Variants in PCDH9 observed in about 807,000 individuals in gnomAD.
The protein encoded by PCDH9 is protocadherin-9.
A neutral mutation model predicts 70.6 loss-of-function variants in PCDH9; 24 were observed. The ratio of observed to expected loss-of-function variants is 0.34; its 90% confidence interval spans 0.25 to 0.48. The LOEUF (loss-of-function observed/expected upper bound fraction) is 0.48. PCDH9 is among the 20% of genes least tolerant of loss of function. The probability of loss-of-function intolerance (pLI) is 0.99; values close to 1 mark genes in which losing one functional copy is unlikely to be tolerated. For synonymous variants in PCDH9, 562 were observed against 558.5 expected, an observed-to-expected ratio of 1.01 and a Z score of -0.09; for missense variants, 1,281 against 1,503.6, an observed-to-expected ratio of 0.85 and a Z score of 2.45.
chr13:66,475,202 C>G (rs1281777703), intron 4 of PCDH9, among the ~76,000 whole-genome samples: 1 of 152,014 alleles, frequency 6.6e-6, no homozygotes. Context: ...TAGAGACTAT[C>G]TAGATACAAG....
At chr13:67,209,394 G>A (rs1245844568) in intron 2 of PCDH9, 3 of 152,118 alleles carry the variant, frequency 2.0e-5, no homozygotes, top group Non-Finnish European at 4.4e-5. Flanking sequence ...ATTAAAAAGT[G>A]TCTTGCATCC....
At chr13:67,183,564 A>G (rs1225643229) in intron 2 of PCDH9, among the ~76,000 whole-genome samples, 1 of 152,158 alleles carries the variant, frequency 6.6e-6, no homozygotes, top group Non-Finnish European at 1.5e-5. Context: ...TAATTACAAC[A>G]CTTTTGTATA....
intron 4 of PCDH9, among the ~76,000 whole-genome samples, chr13:66,613,102 T>C (rs1349639021): frequency 6.6e-6 from 1 of 152,112 alleles, no homozygotes; most frequent in Non-Finnish European, 1.5e-5. Flanking sequence ...CTGGGCCTTT[T>C]CATGGCATTT....
intron 4 of PCDH9, among the ~76,000 whole-genome samples, chr13:66,421,932 C>A (rs1957575264): frequency 6.6e-6 from 1 of 152,048 alleles, no homozygotes; most frequent in Non-Finnish European, 1.5e-5. Flanking sequence ...TGCAAAGACA[C>A]ACATAGGCTC....
chr13:66,440,559 T>C (rs1957953770), intron 4 of PCDH9, among the ~76,000 whole-genome samples: 1 of 152,068 alleles, frequency 6.6e-6, no homozygotes, highest in South Asian at 2.1e-4. Context: ...ATATGATTTA[T>C]AAAAAGCAGG....
At chr13:66,500,831 A>C (rs765517144) in intron 4 of PCDH9, among the ~76,000 whole-genome samples, 2 of 152,128 alleles carry the variant, frequency 1.3e-5, no homozygotes, top group Non-Finnish European at 2.9e-5. Context: ...TAATATTATA[A>C]TGCCATCATT....
intron 4 of PCDH9, among the ~76,000 whole-genome samples, chr13:66,411,086 A>T (rs779451075): frequency 1.3e-4 from 20 of 152,160 alleles, no homozygotes; most frequent in Non-Finnish European, 2.8e-4. Context: ...TTTGCTCCTA[A>T]GTTTATGAAA....
intron 4 of PCDH9, among the ~76,000 whole-genome samples, chr13:66,442,305 G>A (rs887046313): frequency 6.6e-6 from 1 of 152,258 alleles, no homozygotes. Context: ...GGAAGAATGA[G>A]AGAACAGCGA....
intron 4 of PCDH9, among the ~76,000 whole-genome samples, chr13:66,459,108 C>T (rs1043745875): frequency 5.3e-5 from 8 of 151,998 alleles, no homozygotes; most frequent in African/African-American, 1.9e-4. Context: ...TTCCTGTTTA[C>T]AGTCGAAACT....
At chr13:66,623,637 G>A (rs183318409) in intron 4 of PCDH9, among the ~76,000 whole-genome samples, 48 of 152,202 alleles carry the variant, frequency 3.2e-4, no homozygotes, top group Admixed American at 2.4e-3. Context: ...ACACGGTCTT[G>A]TTATGTTGCT....
At position 66,503,446 on chromosome 13, in the gene PCDH9, T is replaced by C. The variant is rs78167153; in HGVS notation, c.3340+127764A>G. On this transcript the variant is annotated intron_variant, in intron 4 of 4. Coordinates refer to ENST00000377865, the MANE Select transcript of PCDH9 (RefSeq NM_203487.3). Reference sequence around the variant, plus strand: ...ATGTTCATTCATATAACCTCTTCTATGTAACTTTAAATAATACTACACAAA... The same window carrying C: ...ATGTTCATTCATATAACCTCTTCTACGTAACTTTAAATAATACTACACAAA... 4.7e-3 allele frequency among the ~76,000 whole-genome samples: 714 copies of C among 152,342 alleles called. 32 individuals carry two copies. The East Asian group carries it at 0.092, about 20-fold the overall frequency.
chr13:67,029,117 G>T (rs1008167587), intron 2 of PCDH9, among the ~76,000 whole-genome samples: 4 of 152,092 alleles, frequency 2.6e-5, no homozygotes, highest in Non-Finnish European at 5.9e-5. Context: ...GAACTCATAA[G>T]CAGGCCAAGA....
intron 2 of PCDH9, among the ~76,000 whole-genome samples, chr13:67,078,334 C>T (rs1184266164): frequency 6.6e-6 from 1 of 152,192 alleles, no homozygotes; most frequent in Non-Finnish European, 1.5e-5. Flanking sequence ...TCCTTGCCCA[C>T]CTCTTCTTTT....
chr13:66,469,687 A>G (rs143817451), intron 4 of PCDH9, among the ~76,000 whole-genome samples: 7 of 152,242 alleles, frequency 4.6e-5, no homozygotes, highest in Non-Finnish European at 8.8e-5. Flanking sequence ...GTGTGATTAC[A>G]GTGCGTGAAA....
chr13:66,374,930 T>A (rs776940216), intron 4 of PCDH9, among the ~76,000 whole-genome samples: 7 of 152,014 alleles, frequency 4.6e-5, no homozygotes, highest in Non-Finnish European at 1.0e-4. Flanking sequence ...ACAATTCAGA[T>A]CAGAAAAATG....
intron 4 of PCDH9, among the ~76,000 whole-genome samples, chr13:66,616,484 C>CTTTTAT (rs2077357505): frequency 8.6e-6 from 1 of 116,672 alleles, no homozygotes; most frequent in African/African-American, 3.2e-5. Context: ...TTCTAAAATT[C>CTTTTAT]TTTTTTTTTT....
chr13:66,738,186 T>C (rs2079188445), intron 3 of PCDH9, among the ~76,000 whole-genome samples: 2 of 152,024 alleles, frequency 1.3e-5, no homozygotes, highest in African/African-American at 2.4e-5. Context: ...CCCTGACCCC[T>C]GACCCCCGAG....
At chr13:67,210,519 G>A (rs1421585149) in intron 2 of PCDH9, 2 of 151,952 alleles carry the variant, frequency 1.3e-5, no homozygotes, top group African/African-American at 4.8e-5. Context: ...ACTGATAATA[G>A]AAAGAAGTAG....
rs117250961 is a variant in PCDH9 at position 66,623,416 on chromosome 13, G to A, written c.3340+7794C>T. Among the ~76,000 whole-genome samples, 636 of 152,240 alleles carry A rather than the reference G, an allele frequency of 4.2e-3. 19 individuals are homozygous for A. The East Asian group carries it at 0.081, about 19-fold the overall frequency. The stretch of plus-strand genomic sequence containing the variant: ...TGAGTTCATATTTTGGGGCTCACCT[G>A]CTGGCAAGTAGGCTTTTTCTTTTTC... On this transcript the variant is annotated intron_variant, in intron 4 of 4. Coordinates refer to ENST00000377865, the MANE Select transcript of PCDH9 (RefSeq NM_203487.3).
Sources: gnomAD v4.1 joint callset for allele counts (sites outside exome capture counted in the v4.1 genomes callset) on GRCh38, gnomAD v4.1.1 for gene constraint, MANE v1.5 for transcripts, NCBI Gene and HGNC (gene_info 2026-07-23, HGNC 2026-07-21) for gene names.